ACBD6: variants seen among roughly 807,000 people sequenced by gnomAD.
The protein encoded by ACBD6 is acyl-CoA binding domain containing 6.
A neutral mutation model predicts 37.2 loss-of-function variants in ACBD6; 28 were observed. That is an observed-to-expected ratio of 0.75 (90% CI 0.56 to 1.03). The LOEUF (loss-of-function observed/expected upper bound fraction) is 1.03, where lower values mean the gene tolerates loss of function less well. ACBD6 is among the 50% of genes least tolerant of loss of function. The probability of loss-of-function intolerance (pLI) is 0.00; values close to 1 mark genes in which losing one functional copy is unlikely to be tolerated. For synonymous variants in ACBD6, 113 were observed against 126.8 expected (o/e 0.89, Z 0.73); for missense variants, 340 against 337.4 (o/e 1.01, Z -0.06).
At chr1:180,392,263 A>ATGTG (rs201188190) in intron 6 of ACBD6, among the ~76,000 whole-genome samples, 85 of 138,034 alleles carry the variant, frequency 6.2e-4, no homozygotes, top group African/African-American at 7.2e-4. Flanking sequence ...ATGTGTATAG[A>ATGTG]TGTGTGTGTG....
At chr1:180,319,512 CT>C (rs1650967646) in intron 6 of ACBD6, among the ~76,000 whole-genome samples, 1 of 152,110 alleles carries the variant, frequency 6.6e-6, no homozygotes, top group Non-Finnish European at 1.5e-5. Flanking sequence ...TCCAATTGTG[CT>C]TTTAGTTTGT....
chr1:180,435,656 G>C, intron 3 of ACBD6: 1 of 968,216 alleles, frequency 1.0e-6, no homozygotes, highest in East Asian at 2.4e-5. Flanking sequence ...TGACGGGACA[G>C]AGTTTGGCAG....
In ACBD6 at chr1:180,413,463, T is replaced by C; in HGVS notation, c.476A>G (p.Asp159Gly). The C allele has an allele frequency of 6.2e-7, 1 of 1,610,334 alleles. No homozygotes were observed. Among genetic ancestry groups the C allele is most frequent in the South Asian group, 1.1e-5 (1 of 91,012 alleles). The change falls in exon 5 of 8, where the codon GAC becomes GGC. Residue 159 changes from aspartate (D) to glycine (G), a missense_variant. Asp to Gly is a moderately conservative substitution (Grantham distance 94). Coordinates refer to ENST00000367595, the MANE Select transcript of ACBD6 (RefSeq NM_032360.4). Reference sequence around the variant, plus strand: ...CCTGCAGTAATCAAATATATTTTTGTCTTCTTCCCTAGAATAAAAAAAAGA... The same window carrying C: ...CCTGCAGTAATCAAATATATTTTTGCCTTCTTCCCTAGAATAAAAAAAAGA... ...LYHEETIREEDKNIFDYCREN... is the reference protein window; with the variant it reads ...LYHEETIREEGKNIFDYCREN...
chr1:180,271,636 C>T (rs1449202607), exon 14 of ACBD6: 3 of 1,479,510 alleles, frequency 2.0e-6, no homozygotes, highest in South Asian at 1.1e-5. Context: ...GGGCTCAGGG[C>T]TTGACCCCAG....
intron 4 of ACBD6, among the ~76,000 whole-genome samples, chr1:180,419,592 A>C (rs978295516): frequency 3.3e-5 from 5 of 152,218 alleles, no homozygotes; most frequent in Admixed American, 1.3e-4. Context: ...ATCTGCATGT[A>C]ACTCGACTCC....
At chr1:180,337,711 AT>A (rs1475592368) in intron 6 of ACBD6, among the ~76,000 whole-genome samples, 2 of 152,176 alleles carry the variant, frequency 1.3e-5, no homozygotes, top group African/African-American at 4.8e-5. Flanking sequence ...AGGAAATCAA[AT>A]TGTCCCTGTT....
chr1:180,343,443 T>C (rs993065559), intron 6 of ACBD6, among the ~76,000 whole-genome samples: 6 of 152,198 alleles, frequency 3.9e-5, no homozygotes, highest in African/African-American at 7.2e-5. Context: ...TTTAAAATGG[T>C]AGAGAATCAT....
intron 3 of ACBD6, among the ~76,000 whole-genome samples, chr1:180,457,412 T>A (rs187053229): frequency 6.6e-6 from 1 of 152,304 alleles, no homozygotes; most frequent in African/African-American, 2.4e-5. Context: ...CTACCTTTAC[T>A]CAGCATTCAC....
At chr1:180,376,858 C>T (rs1184958394) in intron 6 of ACBD6, among the ~76,000 whole-genome samples, 1 of 152,016 alleles carries the variant, frequency 6.6e-6, no homozygotes, top group Non-Finnish European at 1.5e-5. Context: ...AACATTAAAG[C>T]CAACCATGTA....
At chr1:180,348,094 G>A (rs955431271) in intron 6 of ACBD6, among the ~76,000 whole-genome samples, 1 of 152,162 alleles carries the variant, frequency 6.6e-6, no homozygotes, top group Non-Finnish European at 1.5e-5. Flanking sequence ...AGTGCCTAGT[G>A]TACTGTAGGC....
chr1:180,435,413 TA>T (rs1648991729), intron 3 of ACBD6: 4 of 373,144 alleles, frequency 1.1e-5, no homozygotes, highest in Non-Finnish European at 1.4e-5. Context: ...CACGCCTGGC[TA>T]ATTTTTTTTT....
At chr1:180,271,220 TGA>T (rs1484977392) in exon 14 of ACBD6, 7 of 777,778 alleles carry the variant, frequency 9.0e-6, no homozygotes, top group African/African-American at 1.7e-5. Flanking sequence ...GTCAGTGCCA[TGA>T]GAGTGGGGAC....
chr1:180,321,963 T>C (rs1651091128), intron 6 of ACBD6, among the ~76,000 whole-genome samples: 1 of 152,082 alleles, frequency 6.6e-6, no homozygotes, highest in South Asian at 2.1e-4. Context: ...TCTTACAGTT[T>C]TTCCCCATTC....
At chr1:180,384,146 AC>A (rs1258909967) in intron 6 of ACBD6, among the ~76,000 whole-genome samples, 153 of 150,408 alleles carry the variant, frequency 1.0e-3, no homozygotes, top group African/African-American at 3.3e-3. Context: ...AAAAAAAAAA[AC>A]AAAAATAGCT....
chr1:180,318,174 C>A lies in ACBD6; in HGVS notation c.664-3452G>T, dbSNP rs1434430274. ...AAGATTCCATCTCCGCCCCCCCCCCCCAAAAAAAAAAGAAAGAAAGAAAAA... is the reference window on the plus strand; with the variant it reads ...AAGATTCCATCTCCGCCCCCCCCCCACAAAAAAAAAAGAAAGAAAGAAAAA... On this transcript the variant is annotated intron_variant, in intron 6 of 7. Coordinates refer to ENST00000367595, the MANE Select transcript of ACBD6 (RefSeq NM_032360.4). 2.6e-4 allele frequency among the ~76,000 whole-genome samples: 25 copies of A among 96,112 alleles called. 1 individual carries two copies. The highest frequency in any genetic ancestry group is 4.0e-3 in the Middle Eastern group (1 of 248). 63.1% of individuals were successfully genotyped at this position (96,112 alleles called of 152,430 possible).
intron 4 of ACBD6, among the ~76,000 whole-genome samples, chr1:180,424,279 T>C (rs1648493974): frequency 6.6e-6 from 1 of 152,186 alleles, no homozygotes; most frequent in South Asian, 2.1e-4. Context: ...TCCTAAAGAT[T>C]AAGAGAAGTA....
chr1:180,440,086 G>A (rs1001773606), intron 3 of ACBD6, among the ~76,000 whole-genome samples: 11 of 151,804 alleles, frequency 7.2e-5, no homozygotes, highest in Non-Finnish European at 1.5e-4. Context: ...ACCTGCTTTT[G>A]TTTATTTGGA....
At chr1:180,364,875 A>G (rs1254600151) in intron 6 of ACBD6, among the ~76,000 whole-genome samples, 1 of 151,768 alleles carries the variant, frequency 6.6e-6, no homozygotes. Flanking sequence ...CTGGGACTAT[A>G]GGCGTGTGCC....
At chr1:180,480,663 T>C (rs1650995907) in intron 3 of ACBD6, among the ~76,000 whole-genome samples, 1 of 152,190 alleles carries the variant, frequency 6.6e-6, no homozygotes, top group African/African-American at 2.4e-5. Context: ...TCAAGTCAAA[T>C]GGAGCTTGTA....
Sources: gnomAD v4.1 joint callset for allele counts (sites outside exome capture counted in the v4.1 genomes callset) on GRCh38, gnomAD v4.1.1 for gene constraint, MANE v1.5 for transcripts, NCBI Gene and HGNC (gene_info 2026-07-23, HGNC 2026-07-21) for gene names.